The following TMEM132B variants were observed in gnomAD, a reference collection of about 807,000 sequenced individuals.
The protein encoded by TMEM132B is transmembrane protein 132B.
TMEM132B carries 18 observed loss-of-function variants against 90.8 expected under a neutral mutation model. The ratio of observed to expected loss-of-function variants is 0.20; its 90% confidence interval spans 0.14 to 0.29. The LOEUF (loss-of-function observed/expected upper bound fraction) is 0.29, where lower values mean the gene tolerates loss of function less well. TMEM132B is among the 10% of genes least tolerant of loss of function. TMEM132B has a pLI of 1.00. For missense variants in TMEM132B, 1,096 were observed against 1,326.8 expected (o/e 0.83, Z 2.70); for synonymous variants, 504 against 523.3 (o/e 0.96, Z 0.50).
intron 5 of TMEM132B, among the ~76,000 whole-genome samples, chr12:125,627,289 T>G (rs1370920781): frequency 6.6e-6 from 1 of 152,110 alleles, no homozygotes; most frequent in East Asian, 1.9e-4. Context: ...CATATCTGAG[T>G]CTAGTTCTAA....
intron 1 of TMEM132B, among the ~76,000 whole-genome samples, chr12:125,253,307 G>A (rs1470508650): frequency 6.6e-6 from 1 of 152,168 alleles, no homozygotes; most frequent in Non-Finnish European, 1.5e-5. Flanking sequence ...CATTAATGAG[G>A]ACTAGCCAGT....
chr12:125,648,036 A>G (rs1886811292), intron 6 of TMEM132B, among the ~76,000 whole-genome samples: 3 of 146,324 alleles, frequency 2.1e-5, no homozygotes, highest in Admixed American at 6.8e-5. Flanking sequence ...TATATCTCCC[A>G]ATGCTACCCC....
chr12:125,482,032 G>C (rs1882057106), intron 3 of TMEM132B, among the ~76,000 whole-genome samples: 1 of 152,266 alleles, frequency 6.6e-6, no homozygotes, highest in African/African-American at 2.4e-5. Flanking sequence ...AATGGTGCTG[G>C]GAAAACTGGC....
At chr12:125,552,346 G>A (rs1392494567) in intron 4 of TMEM132B, among the ~76,000 whole-genome samples, 1 of 152,202 alleles carries the variant, frequency 6.6e-6, no homozygotes, top group East Asian at 1.9e-4. Flanking sequence ...GTCTCCACCA[G>A]TGGCCACACG....
rs1490057520 is a variant in TMEM132B at position 125,407,885 on chromosome 12, A to G, written c.960-7646A>G. On this transcript the variant is annotated intron_variant, in intron 2 of 8. Coordinates refer to ENST00000682704, the MANE Select transcript of TMEM132B (RefSeq NM_001366854.1). This position sits in a 1 kb window ranked among gnomAD's most constrained non-coding sequence, Gnocchi z 6.7. ...TTACAATGCACTTGCTCTGTTTTGA[A>G]CTTCATATTGAACTGTAACCTACAT... Among the ~76,000 whole-genome samples, 1 of 152,168 alleles carries G rather than the reference A, an allele frequency of 6.6e-6. No homozygotes were observed. Among genetic ancestry groups the G allele is most frequent in the African/African-American group, 2.4e-5 (1 of 41,444 alleles).
chr12:125,385,391 C>T (rs1878801555), intron 2 of TMEM132B, among the ~76,000 whole-genome samples: 1 of 152,158 alleles, frequency 6.6e-6, no homozygotes, highest in Non-Finnish European at 1.5e-5. Context: ...AGGTTAGCTC[C>T]GCAGAGCCTC....
intron 5 of TMEM132B, among the ~76,000 whole-genome samples, chr12:125,605,528 A>T (rs1162532581): frequency 6.6e-6 from 1 of 152,178 alleles, no homozygotes; most frequent in African/African-American, 2.4e-5. Flanking sequence ...GGTTCCAGTC[A>T]TTGGTGAGGT....
intron 5 of TMEM132B, chr12:125,622,637 AG>A: frequency 1.0e-6 from 1 of 985,438 alleles, no homozygotes; most frequent in Non-Finnish European, 1.2e-6. Flanking sequence ...GTGTGAGTTT[AG>A]GTGTCCAGCC....
At chr12:125,570,975 C>T (rs1169034423) in intron 4 of TMEM132B, among the ~76,000 whole-genome samples, 1 of 152,008 alleles carries the variant, frequency 6.6e-6, no homozygotes, top group East Asian at 1.9e-4. Context: ...GTGACTTGGG[C>T]CTTTGTGGCT....
Position 125,243,086 on chromosome 12 carries a change from CATACAT to C in TMEM132B, c.67+56230_67+56235del, listed in dbSNP as rs1439887740. On this transcript the variant is annotated intron_variant, in intron 1 of 8. Transcript: ENST00000682704. ...ATACACACACATATACATATATACACATACATATACATATATATATACACATATATA... is the reference window on the plus strand; with the variant it reads ...ATACACACACATATACATATATACACATACATATATATATACACATATATA... Among the ~76,000 whole-genome samples, 33 of 139,088 alleles carry C rather than the reference CATACAT, an allele frequency of 2.4e-4. No homozygotes were observed. The South Asian group carries it at 7.0e-3, about 29-fold the overall frequency. 91.2% of individuals were successfully genotyped at this position (139,088 alleles called of 152,430 possible).
intron 1 of TMEM132B, among the ~76,000 whole-genome samples, chr12:125,238,289 C>A (rs1486798902): frequency 7.1e-6 from 1 of 141,828 alleles, no homozygotes; most frequent in African/African-American, 2.7e-5. Flanking sequence ...GGAGGCGGAG[C>A]TTGCAGTGAG....
At chr12:125,414,073 A>G (rs761602508) in intron 2 of TMEM132B, among the ~76,000 whole-genome samples, 2 of 152,052 alleles carry the variant, frequency 1.3e-5, no homozygotes, top group African/African-American at 4.8e-5. Context: ...TTGGATTTGC[A>G]TTTCCCTGAT....
intron 3 of TMEM132B, among the ~76,000 whole-genome samples, chr12:125,463,929 T>A (rs1437981932): frequency 6.6e-6 from 1 of 152,118 alleles, no homozygotes; most frequent in African/African-American, 2.4e-5. Context: ...CTTCACAAGG[T>A]GGCAGGAGAA....
intron 3 of TMEM132B, among the ~76,000 whole-genome samples, chr12:125,461,251 T>C (rs1407448171): frequency 6.6e-6 from 1 of 152,186 alleles, no homozygotes; most frequent in African/African-American, 2.4e-5. Context: ...GTGAGTCTGA[T>C]GGAAGGAGGA....
chr12:125,422,558 A>T lies in TMEM132B; in HGVS notation c.1106+6881A>T, dbSNP rs976367428. Among the ~76,000 whole-genome samples, 3 of 152,314 alleles carry T rather than the reference A, an allele frequency of 2.0e-5. No individual in the cohort carries two copies. The East Asian group carries it at 5.8e-4, about 29-fold the overall frequency. ...GACATGTCTATGTCCTCCTCCCCAG[A>T]ACTTGTGAATGTGACCTTATTTGGC... On this transcript the variant is annotated intron_variant, in intron 3 of 8. Coordinates refer to ENST00000682704, the MANE Select transcript of TMEM132B (RefSeq NM_001366854.1).
At chr12:125,211,508 C>T (rs1412091870) in intron 1 of TMEM132B, among the ~76,000 whole-genome samples, 1 of 152,206 alleles carries the variant, frequency 6.6e-6, no homozygotes. Flanking sequence ...TGTCTGCTGC[C>T]TGTTTTCTGC....
In TMEM132B at chr12:125,445,517, G is replaced by A. The variant is rs910069161; in HGVS notation, c.1106+29840G>A. 6.6e-6 allele frequency among the ~76,000 whole-genome samples: 1 copy of A among 152,234 alleles called. No homozygotes were observed. The highest frequency in any genetic ancestry group is 1.5e-5 in the Non-Finnish European group (1 of 68,040). On this transcript the variant is annotated intron_variant, in intron 3 of 8. Transcript: ENST00000682704. The surrounding 1 kb of genome is among the most constrained non-coding windows in gnomAD (Gnocchi z 4.3). ...CAGAGGACACTGGAGGAACATGGTA[G>A]GAGGAGGGATCTGCATCTGGAGTGC...
chr12:125,338,992 C>T (rs537393158), intron 1 of TMEM132B, among the ~76,000 whole-genome samples: 29 of 152,204 alleles, frequency 1.9e-4, no homozygotes, highest in African/African-American at 6.5e-4. Context: ...CTTGAAAATA[C>T]GTAGAAAAAT....
In TMEM132B at chr12:125,615,653, A is replaced by G. The variant is rs79239237; in HGVS notation, c.1438-28423A>G. Among the ~76,000 whole-genome samples, 6 of 152,238 alleles carry G rather than the reference A, an allele frequency of 3.9e-5. No homozygotes were observed. The East Asian group carries it at 1.2e-3, about 29-fold the overall frequency. ...ACTTCTTTATGCTAATTCTGAACATATTTATGTCTTTAAATATATTTCTAC... is the reference window on the plus strand; with the variant it reads ...ACTTCTTTATGCTAATTCTGAACATGTTTATGTCTTTAAATATATTTCTAC... On this transcript the variant is annotated intron_variant, in intron 5 of 8. Transcript: ENST00000682704.
Sources: allele counts gnomAD v4.1 joint callset (sites outside exome capture counted in the v4.1 genomes callset), GRCh38; gene constraint gnomAD v4.1.1; non-coding constraint Gnocchi (gnomAD v3.1); transcripts MANE v1.5; gene names NCBI Gene and HGNC (gene_info 2026-07-23, HGNC 2026-07-21).